KCTD16: variants seen among roughly 807,000 people sequenced by gnomAD.
KCTD16 encodes the protein BTB/POZ domain-containing protein KCTD16.
A neutral mutation model predicts 33.2 loss-of-function variants in KCTD16; 13 were observed. The ratio of observed to expected loss-of-function variants is 0.39; its 90% CI spans 0.25 to 0.62. KCTD16 has a LOEUF of 0.62. KCTD16 is among the 20% of genes least tolerant of loss of function. KCTD16 has a pLI of 0.50. For missense variants in KCTD16, 441 were observed against 525.1 expected (o/e 0.84, Z 1.57); for synonymous variants, 197 against 195.3 (o/e 1.01, Z -0.07).
At chr5:144,313,170 G>GGTTTTGTTTTATAT (rs1402630397) in intron 3 of KCTD16, among the ~76,000 whole-genome samples, 26 of 152,010 alleles carry the variant, frequency 1.7e-4, no homozygotes, top group Admixed American at 2.0e-4. Flanking sequence ...AATGTTTTGG[G>GGTTTTGTTTTATAT]GTTTTGTTTT....
chr5:144,322,506 A>AAAC (rs1752097570), intron 3 of KCTD16, among the ~76,000 whole-genome samples: 1 of 151,418 alleles, frequency 6.6e-6, no homozygotes, highest in African/African-American at 2.4e-5. Context: ...CATCACAGAA[A>AAAC]AAACAAACAA....
At chr5:144,403,033 C>G (rs555179066) in intron 3 of KCTD16, among the ~76,000 whole-genome samples, 1 of 152,330 alleles carries the variant, frequency 6.6e-6, no homozygotes, top group South Asian at 2.1e-4. Flanking sequence ...CTACATCACT[C>G]TACTTTCTGC....
chr5:144,367,502 T>C (rs79851107), intron 3 of KCTD16, among the ~76,000 whole-genome samples: 3 of 152,102 alleles, frequency 2.0e-5, no homozygotes, highest in African/African-American at 4.8e-5. Context: ...AAGAGAACCA[T>C]GAATAAGAGA....
chr5:144,409,497 C>T (rs1752883972), intron 3 of KCTD16, among the ~76,000 whole-genome samples: 1 of 151,964 alleles, frequency 6.6e-6, no homozygotes, highest in Non-Finnish European at 1.5e-5. Context: ...TTTGGGGAAA[C>T]AGCAATGAGC....
At chr5:144,427,762 C>G (rs1270275957) in intron 3 of KCTD16, among the ~76,000 whole-genome samples, 6 of 152,008 alleles carry the variant, frequency 3.9e-5, no homozygotes, top group Admixed American at 2.0e-4. Context: ...AGATTATACT[C>G]CTGCAGCTAA....
At position 144,451,364 on chromosome 5, in the gene KCTD16, T is replaced by C. The variant is rs535308153; in HGVS notation, c.833-22296T>C. 2.6e-5 allele frequency among the ~76,000 whole-genome samples: 4 copies of C among 152,276 alleles called. No homozygotes were observed. The South Asian group carries it at 8.3e-4, about 32-fold the overall frequency. Reference sequence around the variant, plus strand: ...AAGAGATACCACAGAAGAGACCACATGGTGATTCTTTGTCTGTTTGGGTGT... The same window carrying C: ...AAGAGATACCACAGAAGAGACCACACGGTGATTCTTTGTCTGTTTGGGTGT... On this transcript the variant is annotated intron_variant, in intron 3 of 3. Coordinates refer to ENST00000512467, the MANE Select transcript of KCTD16 (RefSeq NM_020768.4).
In KCTD16 at chr5:144,183,045, T is replaced by TAA. The variant is rs199836614; in HGVS notation, c.-327+8584_-327+8585dup. 4.1e-3 allele frequency among the ~76,000 whole-genome samples: 570 copies of TAA among 138,594 alleles called. 3 individuals are homozygous for TAA. The highest frequency in any genetic ancestry group is 0.027 in the South Asian group (122 of 4,452). 90.9% of individuals were successfully genotyped at this position (138,594 alleles called of 152,430 possible). A position where few individuals can be genotyped will look rare whatever the true frequency, so the allele number is the denominator to read the frequency against. ...CACCTTAACTTTATGTAATGAAACA[T>TAA]AAAAAAAAAAAATAAAAGAGTGGGA... On this transcript the variant is annotated intron_variant, in intron 2 of 3. Coordinates refer to ENST00000512467, the MANE Select transcript of KCTD16 (RefSeq NM_020768.4).
intron 3 of KCTD16, among the ~76,000 whole-genome samples, chr5:144,212,900 T>G (rs1753442258): frequency 6.6e-6 from 1 of 152,154 alleles, no homozygotes; most frequent in South Asian, 2.1e-4. Context: ...GCAAGATCAA[T>G]CTTGTTTCAT....
At position 144,478,349 on chromosome 5, in the gene KCTD16, A is replaced by T. The variant is rs1022962710; in HGVS notation, c.*4235A>T. 1 of 152,100 alleles carries T rather than the reference A, an allele frequency of 6.6e-6. No individual in the cohort carries two copies. The highest frequency in any genetic ancestry group is 6.6e-5 in the Admixed American group (1 of 15,246). 9.4% of individuals were successfully genotyped at this position (152,100 alleles called of 1,614,324 possible). On this transcript the variant is annotated 3_prime_UTR_variant, in exon 4 of 4. Transcript: ENST00000512467. ...GTTATTGCTCTCTACCCCTGCTGAAAGAATAGAGTCTTAAACTTTAATAAT... is the reference window on the plus strand; with the variant it reads ...GTTATTGCTCTCTACCCCTGCTGAATGAATAGAGTCTTAAACTTTAATAAT...
intron 3 of KCTD16, among the ~76,000 whole-genome samples, chr5:144,341,994 C>T (rs1033010978): frequency 3.9e-5 from 6 of 152,160 alleles, no homozygotes; most frequent in Non-Finnish European, 8.8e-5. Flanking sequence ...TTTCAGAGAT[C>T]TCCTGCGAAT....
chr5:144,308,981 G>C (rs1580861961), intron 3 of KCTD16, among the ~76,000 whole-genome samples: 2 of 152,186 alleles, frequency 1.3e-5, no homozygotes, highest in East Asian at 3.9e-4. Context: ...AAGACTGAGA[G>C]CTGAGCAGGC....
chr5:144,303,699 G>C (rs563668170), intron 3 of KCTD16, among the ~76,000 whole-genome samples: 5 of 152,142 alleles, frequency 3.3e-5, no homozygotes, highest in South Asian at 2.1e-4. Context: ...AGGACTAGGT[G>C]GGGGTGGGAA....
At chr5:144,234,975 C>G (rs1274526775) in intron 3 of KCTD16, among the ~76,000 whole-genome samples, 2 of 152,010 alleles carry the variant, frequency 1.3e-5, no homozygotes, top group Non-Finnish European at 2.9e-5. Context: ...ATCATTAACT[C>G]TGTCTCTTCT....
At chr5:144,213,401 CTT>C (rs1753460961) in intron 3 of KCTD16, among the ~76,000 whole-genome samples, 3 of 151,180 alleles carry the variant, frequency 2.0e-5, no homozygotes, top group African/African-American at 7.3e-5. Context: ...CTTTCTCTCT[CTT>C]TCTTTTTTTC....
chr5:144,339,275 G>A (rs753690906), intron 3 of KCTD16, among the ~76,000 whole-genome samples: 17 of 152,196 alleles, frequency 1.1e-4, no homozygotes, highest in Non-Finnish European at 2.2e-4. Flanking sequence ...TAGCTAGAAA[G>A]TGCCGAAGCT....
chr5:144,216,844 GAAA>G (rs374252586), intron 3 of KCTD16, among the ~76,000 whole-genome samples: 1 of 121,190 alleles, frequency 8.3e-6, no homozygotes, highest in Admixed American at 8.3e-5. Context: ...ACTCTGTCTG[GAAA>G]AAAAAAAAAA....
intron 3 of KCTD16, among the ~76,000 whole-genome samples, chr5:144,314,688 A>G (rs17440108): frequency 0.034 from 5,221 of 152,314 alleles, 132 homozygotes; most frequent in Middle Eastern, 0.085. Flanking sequence ...TTCCTTAAAA[A>G]TAGGGACTTC....
chr5:144,179,123 G>A (rs1752566884), intron 2 of KCTD16, among the ~76,000 whole-genome samples: 1 of 152,196 alleles, frequency 6.6e-6, no homozygotes, highest in South Asian at 2.1e-4. Flanking sequence ...GTGAAGGTAT[G>A]TATTGTAAGA....
intron 3 of KCTD16, among the ~76,000 whole-genome samples, chr5:144,400,347 G>T (rs532042017): frequency 6.6e-6 from 1 of 152,264 alleles, no homozygotes; most frequent in Non-Finnish European, 1.5e-5. Context: ...GAAGGAGGTG[G>T]TTAGCTATCT....
Sources: gnomAD v4.1 joint callset for allele counts (sites outside exome capture counted in the v4.1 genomes callset) on GRCh38, gnomAD v4.1.1 for gene constraint, MANE v1.5 for transcripts, NCBI Gene and HGNC (gene_info 2026-07-23, HGNC 2026-07-21) for gene names.